Variants in WNT2B observed in about 807,000 individuals in gnomAD.
The protein encoded by WNT2B is Wnt family member 2B.
In WNT2B, 19 loss-of-function variants were observed where a neutral mutation model predicts 40.5. The observed-to-expected ratio is 0.47, with a 90% CI of 0.33 to 0.69. The LOEUF is 0.69. WNT2B is among the 30% of genes least tolerant of loss of function. The pLI is 0.02. For missense variants in WNT2B, 467 were observed against 556.4 expected (o/e 0.84, Z 1.62); for synonymous variants, 220 against 211.9 (o/e 1.04, Z -0.33).
chr1:112,521,256 C>G lies in WNT2B; in HGVS notation c.*747C>G, dbSNP rs1652855914. 1 of 151,556 alleles carries G rather than the reference C, an allele frequency of 6.6e-6. No individual in the cohort carries two copies. Among genetic ancestry groups the G allele is most frequent in the Non-Finnish European group, 1.5e-5 (1 of 68,066 alleles). 9.4% of individuals were successfully genotyped at this position (151,556 alleles called of 1,614,324 possible). On this transcript the variant is annotated 3_prime_UTR_variant, in exon 5 of 5. Transcript: ENST00000369684. ...ATGCTTAACAAATCATTAAAACACC[C>G]TAGAACACTCCTAGGATAGATTAAT...
Position 112,524,295 on chromosome 1 carries a change from C to T in WNT2B, c.*3786C>T, listed in dbSNP as rs1387481781. ...TTTCTGAGGTTTTTATTTAAATGCA[C>T]TCAGTGGTCATAGGGCAGAAGCTCA... is the stretch of plus-strand genomic sequence containing the variant. On this transcript the variant is annotated 3_prime_UTR_variant, in exon 5 of 5. Coordinates refer to ENST00000369684, the MANE Select transcript of WNT2B (RefSeq NM_024494.3). 1 of 152,586 alleles carries T rather than the reference C, an allele frequency of 6.6e-6. No individual in the cohort carries two copies. Among genetic ancestry groups the T allele is most frequent in the South Asian group, 2.1e-4 (1 of 4,822 alleles). 9.5% of individuals were successfully genotyped at this position (152,586 alleles called of 1,614,324 possible).
rs1472664878 is a variant in WNT2B at position 112,524,242 on chromosome 1, G to C, written c.*3733G>C. The C allele has an allele frequency of 6.6e-6, 1 of 152,574 alleles. No individual in the cohort carries two copies. The highest frequency in any genetic ancestry group is 1.5e-5 in the Non-Finnish European group (1 of 68,040). The allele number at this position is 152,574 out of a possible 1,614,324, so 9.5% of individuals were successfully genotyped here. ...TCTCTACATGGCTTAACAGAAGAGA[G>C]ATAATTAGGATTTTTTTTTCCTCAG... On this transcript the variant is annotated 3_prime_UTR_variant, in exon 5 of 5. Coordinates refer to ENST00000369684, the MANE Select transcript of WNT2B (RefSeq NM_024494.3).
chr1:112,493,874 G>A (rs939696225), intron 1 of WNT2B, among the ~76,000 whole-genome samples: 1 of 147,864 alleles, frequency 6.8e-6, no homozygotes, highest in Non-Finnish European at 1.5e-5. Context: ...TGACAAAAAC[G>A]AAACCAACAA....
chr1:112,520,734 C>A lies in WNT2B; in HGVS notation c.*225C>A. 1 of 588,258 alleles carries A rather than the reference C, an allele frequency of 1.7e-6. No individual in the cohort carries two copies. The highest frequency in any genetic ancestry group is 3.0e-6 in the Non-Finnish European group (1 of 332,178). The allele number at this position is 588,258 out of a possible 1,614,324, so 36.4% of individuals were successfully genotyped here. A position where few individuals can be genotyped will look rare whatever the true frequency, so the allele number is the denominator to read the frequency against. On this transcript the variant is annotated 3_prime_UTR_variant, in exon 5 of 5. Coordinates refer to ENST00000369684, the MANE Select transcript of WNT2B (RefSeq NM_024494.3). ...ACTGAGCAAGCTCCCTGATTTCCCG[C>A]TCTGGAGATTTGAAGGGAGAGTAGA... is the stretch of plus-strand genomic sequence containing the variant.
chr1:112,506,718 G>C (rs1441690162), upstream of WNT2B, among the ~76,000 whole-genome samples: 1 of 152,228 alleles, frequency 6.6e-6, no homozygotes, highest in South Asian at 2.1e-4. Flanking sequence ...CACAGAGTCT[G>C]TGCCTTTCTA....
chr1:112,486,621 A>G (rs1383435421), intron 1 of WNT2B, among the ~76,000 whole-genome samples: 1 of 152,080 alleles, frequency 6.6e-6, no homozygotes, highest in African/African-American at 2.4e-5. Context: ...TAAAAGACTT[A>G]TATCCAGAAC....
chr1:112,528,927 G>A lies in WNT2B; in HGVS notation c.*8418G>A, dbSNP rs1653906175. 1 of 152,190 alleles carries A rather than the reference G, an allele frequency of 6.6e-6. No individual in the cohort carries two copies. Among genetic ancestry groups the A allele is most frequent in the Non-Finnish European group, 1.5e-5 (1 of 68,026 alleles). 9.4% of individuals were successfully genotyped at this position (152,190 alleles called of 1,614,324 possible). A position where few individuals can be genotyped will look rare whatever the true frequency, so the allele number is the denominator to read the frequency against. ...ACCAGGGGCTGAAGTAGCAGCCAAA[G>A]AAGGAGACAAATTCTAACTTCATGA... On this transcript the variant is annotated 3_prime_UTR_variant, in exon 5 of 5. Transcript: ENST00000369684.
rs944898305 is a variant in WNT2B at position 112,528,019 on chromosome 1, C to CG, written c.*7510_*7511insG. Reference sequence around the variant, plus strand: ...TAGAATAATTATGCTTACTGGGTGACAATATACAGAAGCAACAATTACAAT... The same window carrying CG: ...TAGAATAATTATGCTTACTGGGTGACGAATATACAGAAGCAACAATTACAAT... On this transcript the variant is annotated 3_prime_UTR_variant, in exon 5 of 5. Transcript: ENST00000369684. The CG allele has an allele frequency of 1.3e-5, 2 of 151,968 alleles. No individual in the cohort carries two copies. The highest frequency in any genetic ancestry group is 4.8e-5 in the African/African-American group (2 of 41,330). The allele number at this position is 151,968 out of a possible 1,614,324, so 9.4% of individuals were successfully genotyped here.
intron 1 of WNT2B, among the ~76,000 whole-genome samples, chr1:112,476,532 A>G (rs906763272): frequency 6.6e-6 from 1 of 152,134 alleles, no homozygotes; most frequent in African/African-American, 2.4e-5. Flanking sequence ...AAACCAAGAT[A>G]GCCATATTAA....
chr1:112,507,203 T>C (rs568405952), upstream of WNT2B, among the ~76,000 whole-genome samples: 1 of 152,280 alleles, frequency 6.6e-6, no homozygotes, highest in African/African-American at 2.4e-5. Flanking sequence ...AACCATCCCC[T>C]TGACTGTGCT....
chr1:112,493,473 T>G (rs976656085), intron 1 of WNT2B, among the ~76,000 whole-genome samples: 2 of 152,006 alleles, frequency 1.3e-5, no homozygotes, highest in African/African-American at 4.8e-5. Flanking sequence ...GTATTTTGAA[T>G]CAGCCAGGCA....
At chr1:112,491,711 A>G (rs78814633) in intron 1 of WNT2B, among the ~76,000 whole-genome samples, 2 of 152,128 alleles carry the variant, frequency 1.3e-5, no homozygotes, top group East Asian at 3.9e-4. Context: ...CATAGACCAC[A>G]TCTCTACAGA....
At position 112,477,612 on chromosome 1, in the gene WNT2B, A is replaced by G. The variant is rs111350095; in HGVS notation, c.-95+10021A>G. 8.1e-3 allele frequency among the ~76,000 whole-genome samples: 1,228 copies of G among 152,352 alleles called. 20 individuals carry two copies. Among genetic ancestry groups the G allele is most frequent in the African/African-American group, 0.028 (1,184 of 41,584 alleles). On this transcript the variant is annotated intron_variant, in intron 1 of 4. Transcript: ENST00000256640. Reference sequence around the variant, plus strand: ...TTAAGGAAGCTTGGTGGCTACAAGAAGACACTGGGAATTCAGTGAAACCAG... The same window carrying G: ...TTAAGGAAGCTTGGTGGCTACAAGAGGACACTGGGAATTCAGTGAAACCAG...
At position 112,523,835 on chromosome 1, in the gene WNT2B, C is replaced by T. The variant is rs1000396298; in HGVS notation, c.*3326C>T. ...GCACATGACTGAAGTACCTCAGCTG[C>T]GCAGCCTGTAGCCAGTTTTTTTAAT... is the stretch of plus-strand genomic sequence containing the variant. On this transcript the variant is annotated 3_prime_UTR_variant, in exon 5 of 5. Coordinates refer to ENST00000369684, the MANE Select transcript of WNT2B (RefSeq NM_024494.3). 2.0e-5 allele frequency: 3 copies of T among 152,032 alleles called. No individual in the cohort carries two copies. Among genetic ancestry groups the T allele is most frequent in the East Asian group, 1.9e-4 (1 of 5,202 alleles). 9.4% of individuals were successfully genotyped at this position (152,032 alleles called of 1,614,324 possible). A position where few individuals can be genotyped will look rare whatever the true frequency, so the allele number is the denominator to read the frequency against.
intron 1 of WNT2B, among the ~76,000 whole-genome samples, chr1:112,482,730 G>A (rs1651265798): frequency 6.6e-6 from 1 of 151,972 alleles, no homozygotes; most frequent in Non-Finnish European, 1.5e-5. Flanking sequence ...AAATATTGAG[G>A]AATAAACTTA....
At chr1:112,486,946 T>C (rs553716957) in intron 1 of WNT2B, among the ~76,000 whole-genome samples, 1 of 152,354 alleles carries the variant, frequency 6.6e-6, no homozygotes, top group Non-Finnish European at 1.5e-5. Context: ...ACCTGCCACA[T>C]GATTCAGTTA....
At chr1:112,506,990 C>A (rs1327182366), upstream of WNT2B, among the ~76,000 whole-genome samples, 1 of 152,176 alleles carries the variant, frequency 6.6e-6, no homozygotes, top group African/African-American at 2.4e-5. Flanking sequence ...TCTTCCTCCA[C>A]GCACTCCGCT....
chr1:112,490,491 T>A (rs895512588), intron 1 of WNT2B, among the ~76,000 whole-genome samples: 8 of 147,200 alleles, frequency 5.4e-5, no homozygotes, highest in Non-Finnish European at 1.2e-4. Context: ...GAACTCATAT[T>A]CTTTTTTTTT....
In WNT2B at chr1:112,525,952, T is replaced by C. The variant is rs1407574575; in HGVS notation, c.*5443T>C. Reference sequence around the variant, plus strand: ...CTGTGAGGTAGGGGTTACTGTCACTTTACAGATGCTGTTCAGAAAAATTTG... The same window carrying C: ...CTGTGAGGTAGGGGTTACTGTCACTCTACAGATGCTGTTCAGAAAAATTTG... On this transcript the variant is annotated 3_prime_UTR_variant, in exon 5 of 5. Coordinates refer to ENST00000369684, the MANE Select transcript of WNT2B (RefSeq NM_024494.3). 2.5e-6 allele frequency: 4 copies of C among 1,606,902 alleles called. No individual in the cohort carries two copies. In the African/African-American group the frequency reaches 5.3e-5, roughly 21 times the overall value.
Sources: allele counts gnomAD v4.1 joint callset (sites outside exome capture counted in the v4.1 genomes callset), GRCh38; gene constraint gnomAD v4.1.1; transcripts MANE v1.5; gene names NCBI Gene and HGNC (gene_info 2026-07-23, HGNC 2026-07-21).